Variants in CASKIN2 observed in about 807,000 individuals in gnomAD.
CASKIN2 encodes caskin-2.
In CASKIN2, 41 loss-of-function variants were observed where a neutral mutation model predicts 107.1. The ratio of observed to expected loss-of-function variants is 0.38; its 90% CI spans 0.30 to 0.50. The LOEUF (loss-of-function observed/expected upper bound fraction) is 0.50, where lower values mean the gene tolerates loss of function less well. Ranked by LOEUF, CASKIN2 falls within the 20% of genes least tolerant of loss-of-function variation. The probability of loss-of-function intolerance (pLI) is 0.92; values close to 1 mark genes in which losing one functional copy is unlikely to be tolerated. For synonymous variants in CASKIN2, 724 were observed against 705.6 expected (o/e 1.03, Z -0.41); for missense variants, 1,546 against 1,657.4 (o/e 0.93, Z 1.17).
intron 13 of CASKIN2, 41 bp from the exon 14 acceptor site, chr17:75,504,347 G>C: frequency 5.0e-6 from 8 of 1,597,532 alleles, no homozygotes; most frequent in Non-Finnish European, 6.0e-6. Context: ...GGTGGCAGGA[G>C]GAAGGGGTGC....
chr17:75,507,544 C>T, intron 4 of CASKIN2, 40 bp downstream of exon 4: 2 of 1,512,884 alleles, frequency 1.3e-6, no homozygotes, highest in Non-Finnish European at 1.8e-6. Context: ...AGGGCCCCTA[C>T]CTGCCCAGGG....
chr17:75,505,227 C>A lies in CASKIN2; in HGVS notation c.931-154G>T. 3 of 849,206 alleles carry A rather than the reference C, an allele frequency of 3.5e-6. No homozygotes were observed. The highest frequency in any genetic ancestry group is 5.5e-6 in the Non-Finnish European group (3 of 544,178). The allele number at this position is 849,206 out of a possible 1,614,324, so 52.6% of individuals were successfully genotyped here. ...GATGCCCACACTGGCCCAAGTTCCGCCCCTGCTGCCAGCAGCCAGCTCAAT... is the reference window on the plus strand; with the variant it reads ...GATGCCCACACTGGCCCAAGTTCCGACCCTGCTGCCAGCAGCCAGCTCAAT... On this transcript the variant is annotated intron_variant, in intron 10 of 19. Coordinates refer to ENST00000321617, the MANE Select transcript of CASKIN2 (RefSeq NM_020753.5). This position sits in a 1 kb window ranked among gnomAD's most constrained non-coding sequence, Gnocchi z 5.1.
rs1180246450 is a variant in CASKIN2, at chr17:75,505,094, CG to C, written c.931-22del. On this transcript the variant is annotated intron_variant, in intron 10 of 19. Coordinates refer to ENST00000321617, the MANE Select transcript of CASKIN2 (RefSeq NM_020753.5). This position sits in a 1 kb window ranked among gnomAD's most constrained non-coding sequence, Gnocchi z 5.1. ...AGCACCTGCGGCCAGGGGTGGGGGG[CG>C]GGGACGGTCACTCCCAGCACCAGGC... 4 of 1,582,172 alleles carry C rather than the reference CG, an allele frequency of 2.5e-6. No homozygotes were observed. Among genetic ancestry groups the C allele is most frequent in the Non-Finnish European group, 3.4e-6 (4 of 1,168,538 alleles).
In CASKIN2 at chr17:75,507,569, A is replaced by C. The variant is rs1258152977; in HGVS notation, c.244+15T>G. 3 of 1,603,240 alleles carry C rather than the reference A, an allele frequency of 1.9e-6. No individual in the cohort carries two copies. Among genetic ancestry groups the C allele is most frequent in the East Asian group, 2.2e-5 (1 of 44,656 alleles). Reference sequence around the variant, plus strand: ...CCTGCCCAGGGTGGGGGTCGGGGGCACATGGGGGTCTCACCATTGCTGTCC... The same window carrying C: ...CCTGCCCAGGGTGGGGGTCGGGGGCCCATGGGGGTCTCACCATTGCTGTCC... On this transcript the variant is annotated intron_variant, in intron 4 of 19. Transcript: ENST00000321617.
chr17:75,503,811 C>T (rs763954752), intron 15 of CASKIN2, 41 bp downstream of exon 15: 1 of 1,609,966 alleles, frequency 6.2e-7, no homozygotes, highest in Non-Finnish European at 8.5e-7. Context: ...GCTGGGCCCT[C>T]CCCCGCCCGC....
rs1390304253 is a variant in CASKIN2, at chr17:75,504,288, G to A, written c.1394C>T (p.Pro465Leu). Residue 465 changes from proline to leucine, a missense_variant, in exon 14 of 20, where the codon CCT becomes CTT. Physicochemically the swap from Pro to Leu is moderately conservative, Grantham distance 98. This residue lies in a region of CASKIN2 where 1,311 missense variants were observed against 1,311.0 expected (regional missense o/e 1.00). Transcript: ENST00000321617. ...CTCCCCAGAGCGGCAGTTGGCCAGA[G>A]GGCGGTGGCTCAGGTTGTCTTCAAG... ...PSLADNLSHR[P>L]LANCRSGEQI... 1 of 1,607,690 alleles carries A rather than the reference G, an allele frequency of 6.2e-7. No homozygotes were observed. Among genetic ancestry groups the A allele is most frequent in the African/African-American group, 1.3e-5 (1 of 74,802 alleles).
chr17:75,502,517 TCCC>T lies in CASKIN2; in HGVS notation c.2554_2556del (p.Gly852del). 6.8e-7 allele frequency: 1 copy of T among 1,470,486 alleles called. No individual in the cohort carries two copies. The highest frequency in any genetic ancestry group is 9.0e-7 in the Non-Finnish European group (1 of 1,106,348). 91.1% of individuals were successfully genotyped at this position (1,470,486 alleles called of 1,614,324 possible). A position where few individuals can be genotyped will look rare whatever the true frequency, so the allele number is the denominator to read the frequency against. On this transcript the variant is annotated inframe_deletion, in exon 18 of 20. Transcript: ENST00000321617. This position sits in a 1 kb window ranked among gnomAD's most constrained non-coding sequence, Gnocchi z 4.3. Reference sequence around the variant, plus strand: ...AGGGCAAAGGACTGGCTGCGAGGAGTCCCCCGAGCTGGGGTTGGGGTCACACTA... The same window carrying T: ...AGGGCAAAGGACTGGCTGCGAGGAGTCCGAGCTGGGGTTGGGGTCACACTA...
At chr17:75,510,807 G>C (rs1196728362) in intron 2 of CASKIN2, among the ~76,000 whole-genome samples, 1 of 152,012 alleles carries the variant, frequency 6.6e-6, no homozygotes, top group Non-Finnish European at 1.5e-5. Context: ...GCCCAGGCCA[G>C]TCTCAAACTC....
At position 75,509,502 on chromosome 17, in the gene CASKIN2, GAC is replaced by G. The variant is rs889479796; in HGVS notation, c.95-1219_95-1218del. ...AGCTACATTGAGGGCCAAACTGAAG[GAC>G]ACTGTGCCACAAAGGTAAAGACAGA... On this transcript the variant is annotated intron_variant, in intron 2 of 19. Transcript: ENST00000321617. 2.5e-5 allele frequency: 23 copies of G among 905,036 alleles called. No homozygotes were observed. In the African/African-American group the frequency reaches 3.8e-4, roughly 15 times the overall value. The allele number at this position is 905,036 out of a possible 1,614,324, so 56.1% of individuals were successfully genotyped here. A position where few individuals can be genotyped will look rare whatever the true frequency, so the allele number is the denominator to read the frequency against.
At position 75,507,140 on chromosome 17, in the gene CASKIN2, GA is replaced by G. The variant is rs1379421159; in HGVS notation, c.245-12del. 6.2e-7 allele frequency: 1 copy of G among 1,603,298 alleles called. No individual in the cohort carries two copies. Among genetic ancestry groups the G allele is most frequent in the Non-Finnish European group, 8.5e-7 (1 of 1,177,436 alleles). ...GCAGCGGGCGCATGCCTGGCAGGAG[GA>G]AAGGGTTTCTGAGGGAGGTCCTGGG... On this transcript the variant is annotated splice_polypyrimidine_tract_variant and intron_variant, in intron 4 of 19. Coordinates refer to ENST00000321617, the MANE Select transcript of CASKIN2 (RefSeq NM_020753.5).
Position 75,509,533 on chromosome 17 carries a change from A to G in CASKIN2, c.95-1248T>C, listed in dbSNP as rs557257179. The G allele has an allele frequency of 1.6e-3, 1,547 of 979,380 alleles. 2 individuals are homozygous for G. Among genetic ancestry groups the G allele is most frequent in the Middle Eastern group, 3.7e-3 (7 of 1,898 alleles). The allele number at this position is 979,380 out of a possible 1,614,324, so 60.7% of individuals were successfully genotyped here. ...GTGCCACAAAGGTAAAGACAGAGCC[A>G]GGGAGGGACAAAGCGCTAAAGGGGT... On this transcript the variant is annotated intron_variant, in intron 2 of 19. Coordinates refer to ENST00000321617, the MANE Select transcript of CASKIN2 (RefSeq NM_020753.5).
intron 1 of CASKIN2, 99 bp from the exon 2 acceptor site, chr17:75,514,307 GC>G: frequency 2.5e-6 from 1 of 400,282 alleles, no homozygotes; most frequent in Middle Eastern, 6.3e-4. Context: ...CCTCCAGGGA[GC>G]CCCCAAGCCA....
At position 75,504,311 on chromosome 17, in the gene CASKIN2, A is replaced by G; in HGVS notation, c.1376-5T>C. ...GAGGGCGGTGGCTCAGGTTGTCTTC[A>G]AGGAGAGAGAAAAATGGAATGGAAA... On this transcript the variant is annotated splice_region_variant and splice_polypyrimidine_tract_variant and intron_variant, in intron 13 of 19. Transcript: ENST00000321617. 6.2e-7 allele frequency: 1 copy of G among 1,605,670 alleles called. No homozygotes were observed. Among genetic ancestry groups the G allele is most frequent in the Non-Finnish European group, 8.5e-7 (1 of 1,176,354 alleles).
Position 75,506,067 on chromosome 17 carries a change from C to T in CASKIN2, c.727-138G>A, listed in dbSNP as rs2076444736. 2 of 795,578 alleles carry T rather than the reference C, an allele frequency of 2.5e-6. No individual in the cohort carries two copies. The highest frequency in any genetic ancestry group is 2.4e-5 in the Admixed American group (1 of 41,478). 49.3% of individuals were successfully genotyped at this position (795,578 alleles called of 1,614,324 possible). On this transcript the variant is annotated intron_variant, in intron 8 of 19. Transcript: ENST00000321617. This position sits in a 1 kb window ranked among gnomAD's most constrained non-coding sequence, Gnocchi z 4.8. ...GGACATAGAGGCTCAGGGACTCAGTCAAGGACAAGCTCAAGTTCACTCAGC... is the reference window on the plus strand; with the variant it reads ...GGACATAGAGGCTCAGGGACTCAGTTAAGGACAAGCTCAAGTTCACTCAGC...
Position 75,502,043 on chromosome 17 carries a change from C to A in CASKIN2, c.3031G>T (p.Val1011Leu), listed in dbSNP as rs760947385. 6.2e-7 allele frequency: 1 copy of A among 1,612,604 alleles called. No individual in the cohort carries two copies. Among genetic ancestry groups the A allele is most frequent in the South Asian group, 1.1e-5 (1 of 91,082 alleles). Residue 1011 changes from valine to leucine, a missense_variant, in exon 18 of 20, where the codon GTG (valine) becomes TTG (leucine). By Grantham distance (32) the Val-to-Leu change is conservative. This residue lies in a region of CASKIN2 where 1,311 missense variants were observed against 1,311.0 expected (regional missense o/e 1.00). Coordinates refer to ENST00000321617, the MANE Select transcript of CASKIN2 (RefSeq NM_020753.5). The surrounding 1 kb of genome is among the most constrained non-coding windows in gnomAD (Gnocchi z 4.3). ...GCGGGGCCAGGCGTGGCACTGGCCA[C>A]TCCGAAGGCCAGCAGTGCGGTCTGC... ...PLQTALLAFG[V>L]ASATPGPAAP...
chr17:75,507,262 G>T, intron 4 of CASKIN2, 133 bp from the exon 5 acceptor site: 3 of 1,064,658 alleles, frequency 2.8e-6, no homozygotes, highest in South Asian at 1.6e-5. Context: ...GCTCTATCCA[G>T]GTGTGCTTAG....
intron 2 of CASKIN2, among the ~76,000 whole-genome samples, 164 bp from the exon 3 acceptor site, chr17:75,508,449 C>T (rs560014071): frequency 4.2e-4 from 64 of 152,338 alleles, no homozygotes; most frequent in Non-Finnish European, 6.6e-4. Flanking sequence ...CCTGGCCCAC[C>T]GGCCCAGCAG....
rs2053254600 is a variant in CASKIN2 at position 75,505,448 on chromosome 17, A to G, written c.930+109T>C. On this transcript the variant is annotated intron_variant, in intron 10 of 19. Coordinates refer to ENST00000321617, the MANE Select transcript of CASKIN2 (RefSeq NM_020753.5). The surrounding 1 kb of genome is among the most constrained non-coding windows in gnomAD (Gnocchi z 5.1). ...CCCTGGCTTTAAGAAGAATTAAATG[A>G]GGGTGCATATAGAGACCTCAGAGCA... 1.1e-6 allele frequency: 1 copy of G among 945,106 alleles called. No homozygotes were observed. Among genetic ancestry groups the G allele is most frequent in the Admixed American group, 2.0e-5 (1 of 50,876 alleles). 58.5% of individuals were successfully genotyped at this position (945,106 alleles called of 1,614,324 possible).
At chr17:75,508,838 A>G (rs554447870) in intron 2 of CASKIN2, among the ~76,000 whole-genome samples, 3 of 152,344 alleles carry the variant, frequency 2.0e-5, no homozygotes, top group African/African-American at 7.2e-5. Context: ...AGTGTCCTCA[A>G]CTGTAAAATG....
Sources: gnomAD v4.1 joint callset for allele counts (sites outside exome capture counted in the v4.1 genomes callset) on GRCh38, gnomAD v4.1.1 for gene constraint, gnomAD v4.1.1 regional missense constraint, Gnocchi (gnomAD v3.1) non-coding constraint, MANE v1.5 for transcripts, NCBI Gene and HGNC (gene_info 2026-07-23, HGNC 2026-07-21) for gene names.